The following RBFOX3 variants were observed in gnomAD, a reference collection of about 807,000 sequenced individuals.
The protein encoded by RBFOX3 is RNA binding fox-1 homolog 3.
A neutral mutation model predicts 48.7 loss-of-function variants in RBFOX3; 17 were observed. The ratio of observed to expected loss-of-function variants is 0.35; its 90% confidence interval spans 0.24 to 0.52. The LOEUF (loss-of-function observed/expected upper bound fraction) is 0.52. Among genes scored for constraint, RBFOX3 ranks in the 20% least tolerant of loss-of-function variants. The pLI, the probability that RBFOX3 is intolerant of heterozygous loss-of-function variation, is 0.94. For missense variants in RBFOX3, 382 were observed against 497.5 expected (o/e 0.77, Z 2.21); for synonymous variants, 212 against 209.5 (o/e 1.01, Z -0.10).
intron 1 of RBFOX3, among the ~76,000 whole-genome samples, chr17:79,584,396 C>T (rs1206219026): frequency 6.6e-6 from 1 of 152,176 alleles, no homozygotes; most frequent in Non-Finnish European, 1.5e-5. Flanking sequence ...CAGGTATCTA[C>T]CCAGAGGAAA....
intron 1 of RBFOX3, among the ~76,000 whole-genome samples, chr17:79,504,036 G>A (rs2082734726): frequency 6.7e-6 from 1 of 150,094 alleles, no homozygotes; most frequent in African/African-American, 2.5e-5. Context: ...CCAGGTGGCA[G>A]GGTGCTCCAG....
At chr17:79,591,113 G>C (rs1347243099) in intron 1 of RBFOX3, among the ~76,000 whole-genome samples, 1 of 152,190 alleles carries the variant, frequency 6.6e-6, no homozygotes, top group Non-Finnish European at 1.5e-5. Flanking sequence ...CAGAAACAAG[G>C]AGTCCAGGAG....
At chr17:79,275,126 CT>C (rs1466906715) in intron 3 of RBFOX3, among the ~76,000 whole-genome samples, 2 of 82,514 alleles carry the variant, frequency 2.4e-5, no homozygotes, top group African/African-American at 5.7e-5. Context: ...ATGTCTCCCT[CT>C]CTCTCTCTCT....
chr17:79,429,214 G>A (rs782648916), intron 2 of RBFOX3, among the ~76,000 whole-genome samples: 3 of 152,248 alleles, frequency 2.0e-5, no homozygotes, highest in African/African-American at 7.2e-5. Flanking sequence ...AGAGCTGGGC[G>A]AGACCTTGGA....
intron 2 of RBFOX3, among the ~76,000 whole-genome samples, chr17:79,332,329 G>A (rs547835582): frequency 3.6e-5 from 5 of 138,792 alleles, no homozygotes; most frequent in African/African-American, 1.3e-4. Context: ...GCAGGGATCA[G>A]GCTGAGCACA....
intron 2 of RBFOX3, among the ~76,000 whole-genome samples, chr17:79,419,400 G>T (rs567767254): frequency 1.3e-5 from 2 of 152,322 alleles, no homozygotes; most frequent in South Asian, 4.1e-4. Flanking sequence ...CTACGTCTTG[G>T]CAGGGTTCTT....
chr17:79,394,193 G>A (rs1027635707), intron 2 of RBFOX3, among the ~76,000 whole-genome samples: 2 of 152,198 alleles, frequency 1.3e-5, no homozygotes, highest in Non-Finnish European at 2.9e-5. Context: ...CTGAGCCCTC[G>A]CCTGTGGGCT....
rs548343773 is a variant in RBFOX3 at position 79,220,000 on chromosome 17, A to C, written c.-34+15766T>G. Among the ~76,000 whole-genome samples, 128 of 143,498 alleles carry C rather than the reference A, an allele frequency of 8.9e-4. 1 individual carries two copies. The highest frequency in any genetic ancestry group is 1.2e-3 in the Non-Finnish European group (82 of 66,710). The allele number at this position is 143,498 out of a possible 152,430, so 94.1% of individuals were successfully genotyped here. A position where few individuals can be genotyped will look rare whatever the true frequency, so the allele number is the denominator to read the frequency against. ...TAGAACAGTCTGGCCGACAGCCAGC[A>C]CTTCCTGTCTGGGGACACCTCCAAC... On this transcript the variant is annotated intron_variant, in intron 4 of 14. Coordinates refer to ENST00000693108, the MANE Select transcript of RBFOX3 (RefSeq NM_001350451.2).
chr17:79,267,254 C>T (rs2066867642), intron 3 of RBFOX3, among the ~76,000 whole-genome samples: 1 of 152,200 alleles, frequency 6.6e-6, no homozygotes, highest in Non-Finnish European at 1.5e-5. Flanking sequence ...GGGAGTCATA[C>T]TCTTTGGCGG....
rs1459023595 is a variant in RBFOX3, at chr17:79,096,639, G to A, written c.936+14C>T. ...GCCTGATCCCACCCTCCCTCCCGGC[G>A]GGGCTACACTTACATAAATCTCAGC... On this transcript the variant is annotated intron_variant, in intron 12 of 14. Transcript: ENST00000693108. 3.5e-6 allele frequency: 5 copies of A among 1,432,200 alleles called. No homozygotes were observed. Among genetic ancestry groups the A allele is most frequent in the South Asian group, 2.5e-5 (2 of 81,170 alleles). 88.7% of individuals were successfully genotyped at this position (1,432,200 alleles called of 1,614,324 possible). A position where few individuals can be genotyped will look rare whatever the true frequency, so the allele number is the denominator to read the frequency against.
chr17:79,347,526 G>A (rs2083111935), intron 2 of RBFOX3, among the ~76,000 whole-genome samples: 1 of 152,008 alleles, frequency 6.6e-6, no homozygotes, highest in South Asian at 2.1e-4. Flanking sequence ...TCCTCCTTGT[G>A]TTAGAACTTT....
In RBFOX3 at chr17:79,103,862, CAG is replaced by C. The variant is rs1399128450; in HGVS notation, c.414+209_414+210del. Among the ~76,000 whole-genome samples the C allele has an allele frequency of 8.4e-6, 1 of 118,982 alleles. No individual in the cohort carries two copies. Among genetic ancestry groups the C allele is most frequent in the Non-Finnish European group, 1.6e-5 (1 of 62,434 alleles). 78.1% of individuals were successfully genotyped at this position (118,982 alleles called of 152,430 possible). A position where few individuals can be genotyped will look rare whatever the true frequency, so the allele number is the denominator to read the frequency against. On this transcript the variant is annotated intron_variant, in intron 7 of 14. Coordinates refer to ENST00000693108, the MANE Select transcript of RBFOX3 (RefSeq NM_001350451.2). This position sits in a 1 kb window ranked among gnomAD's most constrained non-coding sequence, Gnocchi z 6.1. ...GTGCAGGCAAGAGGTCCTGGTGGCT[CAG>C]AAAGAAAAAGCGGCAGCGGCAGCAA...
rs902197832 is a variant in RBFOX3, at chr17:79,564,189, C to T, written c.-320+46637G>A. Among the ~76,000 whole-genome samples the T allele has an allele frequency of 4.3e-4, 66 of 152,376 alleles. No individual in the cohort carries two copies. The South Asian group carries it at 5.0e-3, about 11-fold the overall frequency. ...CATCCTGCTCTCCCCGAAGCCCAAA[C>T]CATCAGGCTCTTTTTGCCATGCAGC... On this transcript the variant is annotated intron_variant, in intron 1 of 14. Transcript: ENST00000693108.
chr17:79,283,723 C>T (rs1343992939), intron 3 of RBFOX3, among the ~76,000 whole-genome samples: 2 of 152,318 alleles, frequency 1.3e-5, no homozygotes, highest in South Asian at 2.1e-4. Flanking sequence ...ATGTCAGACC[C>T]GAGTCCTTGC....
Position 79,214,455 on chromosome 17 carries a change from A to G in RBFOX3, c.-34+21311T>C, listed in dbSNP as rs1330399517. On this transcript the variant is annotated intron_variant, in intron 4 of 14. Transcript: ENST00000693108. This position sits in a 1 kb window ranked among gnomAD's most constrained non-coding sequence, Gnocchi z 4.7. ...AGAAAAGTGATGCAAAGCCCTTTGG[A>G]TCAGTGTGACTGGGAGGACGCTGCT... 6.6e-6 allele frequency among the ~76,000 whole-genome samples: 1 copy of G among 152,056 alleles called. No individual in the cohort carries two copies. The highest frequency in any genetic ancestry group is 2.4e-5 in the African/African-American group (1 of 41,416).
intron 1 of RBFOX3, among the ~76,000 whole-genome samples, chr17:79,572,285 G>C (rs1453688912): frequency 6.6e-6 from 1 of 152,178 alleles, no homozygotes; most frequent in Non-Finnish European, 1.5e-5. Flanking sequence ...CTTTAGGGCA[G>C]CATCGCCCCG....
At chr17:79,247,806 T>C (rs1738891260) in intron 3 of RBFOX3, among the ~76,000 whole-genome samples, 2 of 152,042 alleles carry the variant, frequency 1.3e-5, no homozygotes, top group African/African-American at 4.8e-5. Flanking sequence ...ATGTTCTGAG[T>C]CAAGCTGGGA....
intron 1 of RBFOX3, among the ~76,000 whole-genome samples, chr17:79,507,430 C>T (rs2083331109): frequency 6.6e-6 from 1 of 152,156 alleles, no homozygotes; most frequent in Admixed American, 6.5e-5. Context: ...GGGGCTCCTG[C>T]TTGGCAGTCC....
At chr17:79,177,789 G>A (rs1464514613) in intron 4 of RBFOX3, among the ~76,000 whole-genome samples, 1 of 152,214 alleles carries the variant, frequency 6.6e-6, no homozygotes, top group African/African-American at 2.4e-5. Flanking sequence ...CCATCAGGAT[G>A]AGGTTTTGCA....
Sources: gnomAD v4.1 joint callset for allele counts (sites outside exome capture counted in the v4.1 genomes callset) on GRCh38, gnomAD v4.1.1 for gene constraint, Gnocchi (gnomAD v3.1) non-coding constraint, MANE v1.5 for transcripts, NCBI Gene and HGNC (gene_info 2026-07-23, HGNC 2026-07-21) for gene names.